E2F7: variants seen among roughly 807,000 people sequenced by gnomAD.
The protein encoded by E2F7 is E2F transcription factor 7, also known as transcription factor E2F7.
In E2F7, 35 loss-of-function variants were observed where a neutral mutation model predicts 81.1. That is an observed-to-expected ratio of 0.43 (90% CI 0.33 to 0.57). The LOEUF (loss-of-function observed/expected upper bound fraction) is 0.57. Ranked by LOEUF, E2F7 falls within the 20% of genes least tolerant of loss-of-function variation. E2F7 has a pLI of 0.04. For missense variants in E2F7, 961 were observed against 1,093.7 expected (o/e 0.88, Z 1.71); for synonymous variants, 416 against 416.2 (o/e 1.00, Z 0.01).
chr12:77,048,838 G>C (rs952048763), intron 4 of E2F7, among the ~76,000 whole-genome samples: 22 of 152,258 alleles, frequency 1.4e-4, no homozygotes, highest in African/African-American at 5.1e-4. Flanking sequence ...TGTCCTCCCT[G>C]GGATGTAACA....
chr12:77,052,066 G>C (rs182269839), intron 3 of E2F7, among the ~76,000 whole-genome samples: 162 of 152,224 alleles, frequency 1.1e-3, no homozygotes, highest in Non-Finnish European at 1.5e-3. Flanking sequence ...CAACAAAAAT[G>C]ATAAGGATTT....
chr12:77,039,792 C>T (rs954592661), intron 7 of E2F7, among the ~76,000 whole-genome samples: 1 of 152,194 alleles, frequency 6.6e-6, no homozygotes, highest in African/African-American at 2.4e-5. Context: ...TACGATGCAG[C>T]CTTTCCATTC....
At chr12:77,055,007 G>A (rs1161202515) in intron 3 of E2F7, among the ~76,000 whole-genome samples, 1 of 151,974 alleles carries the variant, frequency 6.6e-6, no homozygotes, top group Non-Finnish European at 1.5e-5. Flanking sequence ...AAGACGGAAA[G>A]GAAGCCAAAG....
chr12:77,046,743 G>C (rs1954946220), intron 4 of E2F7, among the ~76,000 whole-genome samples: 1 of 152,176 alleles, frequency 6.6e-6, no homozygotes, highest in Non-Finnish European at 1.5e-5. Context: ...TAATTATGCA[G>C]ACTACAAAAT....
At chr12:77,041,436 C>T (rs1422928674) in intron 7 of E2F7, among the ~76,000 whole-genome samples, 3 of 152,160 alleles carry the variant, frequency 2.0e-5, no homozygotes, top group Non-Finnish European at 2.9e-5. Flanking sequence ...GGTGATCTGC[C>T]TGCCGTGGCC....
rs1194578808 is a variant in E2F7 at position 77,030,155 on chromosome 12, T to C, written c.1560A>G (p.Gly520=). ...QAFSMQNGLN[G]QVDVSLASAA... ...CAGAAGCAAGTGAGACATCCACTTGTCCATTCAGACCGTTCTGCATGGAGA... is the reference window on the plus strand; with the variant it reads ...CAGAAGCAAGTGAGACATCCACTTGCCCATTCAGACCGTTCTGCATGGAGA... The change falls in exon 10 of 13, where the codon GGA becomes GGG. Residue 520 remains glycine (G), a synonymous_variant. Coordinates refer to ENST00000322886, the MANE Select transcript of E2F7 (RefSeq NM_203394.3). 6.2e-7 allele frequency: 1 copy of C among 1,614,190 alleles called. No individual in the cohort carries two copies. The highest frequency in any genetic ancestry group is 1.7e-5 in the Admixed American group (1 of 60,016).
Position 77,023,948 on chromosome 12 carries a change from C to A in E2F7, c.*67G>T. 6.4e-7 allele frequency: 1 copy of A among 1,565,036 alleles called. No homozygotes were observed. Among genetic ancestry groups the A allele is most frequent in the African/African-American group, 1.4e-5 (1 of 73,496 alleles). On this transcript the variant is annotated 3_prime_UTR_variant, in exon 13 of 13. Transcript: ENST00000322886. ...CCCGTGCTCAGGACGGGATGGTTTG[C>A]ATCCCGCCTCGGACATCCGGGACTC...
intron 7 of E2F7, among the ~76,000 whole-genome samples, chr12:77,038,458 G>T (rs1954871054): frequency 6.6e-6 from 1 of 152,096 alleles, no homozygotes. Flanking sequence ...TAAGAGAAAG[G>T]TATGTGGAAA....
chr12:77,050,135 A>G (rs1437137821), intron 4 of E2F7, among the ~76,000 whole-genome samples: 1 of 152,178 alleles, frequency 6.6e-6, no homozygotes, highest in Non-Finnish European at 1.5e-5. Flanking sequence ...ATCATTGTAT[A>G]GGGCTTTAAA....
rs891137869 is a variant in E2F7 at position 77,027,932 on chromosome 12, G to C, written c.2091C>G (p.Ser697Arg). ...ATTGTAGCAAAGAAGGCTCTTTGGTGCTTTCATTTTCTTTTGAAGGCTTTT... is the reference window on the plus strand; with the variant it reads ...ATTGTAGCAAAGAAGGCTCTTTGGTCCTTTCATTTTCTTTTGAAGGCTTTT... ...DVEKPSKENESTKEPSLLQYL... is the reference protein window; with the variant it reads ...DVEKPSKENERTKEPSLLQYL... The change falls in exon 11 of 13, where the codon AGC (serine) becomes AGG (arginine). Residue 697 changes from serine to arginine, a missense_variant. By Grantham distance (110) the Ser-to-Arg change is moderately radical (BLOSUM62 -1). This residue lies in a region of E2F7 where 587 missense variants were observed against 620.3 expected (regional missense o/e 0.95). Coordinates refer to ENST00000322886, the MANE Select transcript of E2F7 (RefSeq NM_203394.3). The C allele has an allele frequency of 6.2e-7, 1 of 1,614,086 alleles. No homozygotes were observed. The highest frequency in any genetic ancestry group is 8.5e-7 in the Non-Finnish European group (1 of 1,180,044).
chr12:77,057,357 T>A (rs551033106), intron 2 of E2F7, among the ~76,000 whole-genome samples: 1 of 152,230 alleles, frequency 6.6e-6, no homozygotes, highest in East Asian at 1.9e-4. Context: ...ATTACAGGCA[T>A]GAGACACCAG....
rs768923760 is a variant in E2F7 at position 77,044,622 on chromosome 12, G to A, written c.988+15C>T. The stretch of plus-strand genomic sequence containing the variant: ...CTTTATGTGCTAGTAAGTTGATGGA[G>A]GTGAAGATTCTTACTTTTAAATTTA... On this transcript the variant is annotated intron_variant, in intron 6 of 12. Coordinates refer to ENST00000322886, the MANE Select transcript of E2F7 (RefSeq NM_203394.3). 3 of 1,612,802 alleles carry A rather than the reference G, an allele frequency of 1.9e-6. No homozygotes were observed. Among genetic ancestry groups the A allele is most frequent in the Admixed American group, 1.7e-5 (1 of 59,798 alleles).
chr12:77,057,548 C>G (rs945788657), intron 2 of E2F7, among the ~76,000 whole-genome samples: 1 of 152,136 alleles, frequency 6.6e-6, no homozygotes, highest in Non-Finnish European at 1.5e-5. Flanking sequence ...AAGTTCCGTT[C>G]TTAATTTTTT....
chr12:77,050,586 A>G lies in E2F7; in HGVS notation c.528T>C (p.Ala176=), dbSNP rs1270156310. 1.9e-6 allele frequency: 3 copies of G among 1,613,998 alleles called. No individual in the cohort carries two copies. The South Asian group carries it at 3.3e-5, about 18-fold the overall frequency. The change falls in exon 4 of 13, where the codon GCT becomes GCC. Residue 176 remains alanine (A), a synonymous_variant. Transcript: ENST00000322886. The stretch of plus-strand genomic sequence containing the variant: ...TCTGATGATACATACCAAGACTGAC[A>G]GCAACTTCATCTAGGGAGATGGTAG... The part of the protein sequence containing the change: ...EKTTISLDEV[A]VSLGVERRRI...
In E2F7 at chr12:77,057,605, C is replaced by T. The variant is rs111896823; in HGVS notation, c.94-1475G>A. On this transcript the variant is annotated intron_variant, in intron 2 of 12. Transcript: ENST00000322886. ...GAATACCATCTGCCTCCAGACCACC[C>T]GTTGATGTAGACTGTCTTAAATAAT... 7.1e-3 allele frequency among the ~76,000 whole-genome samples: 1,082 copies of T among 152,234 alleles called. 17 individuals carry two copies. Among genetic ancestry groups the T allele is most frequent in the African/African-American group, 0.024 (997 of 41,532 alleles).
chr12:77,028,608 G>A (rs1954778709), intron 10 of E2F7, among the ~76,000 whole-genome samples: 1 of 151,878 alleles, frequency 6.6e-6, no homozygotes, highest in Non-Finnish European at 1.5e-5. Context: ...GCTGGGACTA[G>A]AGGTGCCCGC....
intron 2 of E2F7, among the ~76,000 whole-genome samples, chr12:77,061,804 C>G (rs1196987824): frequency 1.3e-5 from 2 of 152,226 alleles, no homozygotes; most frequent in Non-Finnish European, 1.5e-5. Context: ...TCCAGCCACT[C>G]TTGATTTCTT....
rs148712338 is a variant in E2F7 at position 77,047,781 on chromosome 12, G to A, written c.539-1453C>T. 5.4e-3 allele frequency among the ~76,000 whole-genome samples: 815 copies of A among 152,296 alleles called. 12 individuals carry two copies. The highest frequency in any genetic ancestry group is 0.018 in the African/African-American group (768 of 41,554). Reference sequence around the variant, plus strand: ...TGTTACCCTCACAAGCTCAGGCTTCGGTGCCAGATGCCTGCCGGAAGGTGC... The same window carrying A: ...TGTTACCCTCACAAGCTCAGGCTTCAGTGCCAGATGCCTGCCGGAAGGTGC... On this transcript the variant is annotated intron_variant, in intron 4 of 12. Coordinates refer to ENST00000322886, the MANE Select transcript of E2F7 (RefSeq NM_203394.3).
Position 77,024,053 on chromosome 12 carries a change from G to A in E2F7, c.2698C>T (p.Gln900Ter). ...CCGCTGGGGATTTCTAGTCTCCTCT[G>A]GGCCGAGCTGGTGTTTCGTGACTGG... is the stretch of plus-strand genomic sequence containing the variant. ...RNQSRNTSSA[Q>*]RRLEIPSGGA... The change falls in exon 13 of 13, where the codon CAG (glutamine) becomes TAG (stop). Residue 900 changes from glutamine to a stop codon, truncating the protein, a stop_gained. Transcript: ENST00000322886. LOFTEE classifies it high-confidence loss of function. The A allele has an allele frequency of 6.2e-7, 1 of 1,614,042 alleles. No individual in the cohort carries two copies. The highest frequency in any genetic ancestry group is 8.5e-7 in the Non-Finnish European group (1 of 1,180,030).
Sources: allele counts gnomAD v4.1 joint callset (sites outside exome capture counted in the v4.1 genomes callset), GRCh38; gene constraint gnomAD v4.1.1; regional missense constraint gnomAD v4.1.1; transcripts MANE v1.5; gene names NCBI Gene and HGNC (gene_info 2026-07-23, HGNC 2026-07-21).